PCDHA9: variants seen among roughly 807,000 people sequenced by gnomAD.
PCDHA9 encodes protocadherin alpha 9.
In PCDHA9, 62 loss-of-function variants were observed where a neutral mutation model predicts 62.0. The ratio of observed to expected loss-of-function variants is 1.00; its 90% CI spans 0.81 to 1.23. The LOEUF is 1.23. Ranked by LOEUF, PCDHA9 falls within the 50% of genes most tolerant of loss-of-function variation. The probability of loss-of-function intolerance (pLI) is 0.00; values close to 1 mark genes in which losing one functional copy is unlikely to be tolerated. For synonymous variants in PCDHA9, 557 were observed against 567.6 expected (o/e 0.98, Z 0.27); for missense variants, 1,205 against 1,249.8 (o/e 0.96, Z 0.54).
intron 3 of PCDHA9, among the ~76,000 whole-genome samples, chr5:140,992,037 G>A (rs2153898781): frequency 6.6e-6 from 1 of 152,006 alleles, no homozygotes; most frequent in East Asian, 1.9e-4. Context: ...GTGTGTGTGT[G>A]TGTGTGTGTG....
At chr5:140,851,776 A>G (rs2042157879) in intron 1 of PCDHA9, 1 of 964,146 alleles carries the variant, frequency 1.0e-6, no homozygotes, top group South Asian at 4.8e-5. Flanking sequence ...TTATGAATTT[A>G]GATGAGAATT....
chr5:140,907,009 C>A (rs2193983), intron 1 of PCDHA9, among the ~76,000 whole-genome samples: 26,809 of 152,052 alleles, frequency 0.18, 2,652 homozygotes, highest in African/African-American at 0.27. Flanking sequence ...GGAACTAAGA[C>A]CTCTAGGCCA....
chr5:140,875,410 A>G (rs1459624657), intron 1 of PCDHA9: 3 of 1,502,000 alleles, frequency 2.0e-6, no homozygotes, highest in African/African-American at 1.4e-5. Flanking sequence ...TGCTCATAAA[A>G]TACCTCAGGC....
chr5:140,928,478 A>G (rs1554205922), intron 1 of PCDHA9: 1 of 1,614,132 alleles, frequency 6.2e-7, no homozygotes, highest in East Asian at 2.2e-5. Context: ...GAAGGCCGGG[A>G]TGGTGGCATT....
intron 1 of PCDHA9, chr5:140,969,003 G>A: frequency 6.2e-7 from 1 of 1,614,226 alleles, no homozygotes; most frequent in Admixed American, 1.7e-5. Context: ...GGAGGCTTCT[G>A]TGGAGTAAGG....
chr5:140,947,668 T>A (rs2094160892), intron 1 of PCDHA9, among the ~76,000 whole-genome samples: 1 of 151,602 alleles, frequency 6.6e-6, no homozygotes, highest in Admixed American at 6.6e-5. Flanking sequence ...TACTTGGGTC[T>A]TTAAAAAATT....
chr5:140,870,836 A>G (rs375475405), intron 1 of PCDHA9: 3 of 1,613,796 alleles, frequency 1.9e-6, no homozygotes, highest in Non-Finnish European at 2.5e-6. Flanking sequence ...GCAGTTAACA[A>G]GCTAGTACCG....
intron 1 of PCDHA9, chr5:140,875,924 A>C (rs782181544): frequency 6.2e-7 from 1 of 1,614,054 alleles, no homozygotes; most frequent in Non-Finnish European, 8.5e-7. Context: ...CTGGACTCTC[A>C]TTTTCCTCTA....
intron 1 of PCDHA9, chr5:140,927,862 G>A (rs1397918624): frequency 2.5e-6 from 4 of 1,614,082 alleles, no homozygotes; most frequent in African/African-American, 2.7e-5. Context: ...AGCTAGCACC[G>A]CTAAACTGCT....
At chr5:140,969,821 T>C (rs1358078633) in intron 1 of PCDHA9, among the ~76,000 whole-genome samples, 3 of 152,250 alleles carry the variant, frequency 2.0e-5, no homozygotes, top group Non-Finnish European at 4.4e-5. Flanking sequence ...TACTCTGGAC[T>C]GTCTACAGTG....
chr5:141,006,180 A>C (rs1554260594), intron 3 of PCDHA9, among the ~76,000 whole-genome samples: 5 of 150,546 alleles, frequency 3.3e-5, no homozygotes, highest in Non-Finnish European at 7.4e-5. Context: ...TTTTTAAAAG[A>C]GTTTGCTATA....
At chr5:140,871,301 C>G in intron 1 of PCDHA9, 4 of 1,613,916 alleles carry the variant, frequency 2.5e-6, no homozygotes, top group Middle Eastern at 1.7e-4. Flanking sequence ...GCGTGCGCGC[C>G]GGGGAAGCCC....
intron 1 of PCDHA9, chr5:140,865,437 T>G (rs951308725): frequency 2.0e-5 from 3 of 152,200 alleles, no homozygotes; most frequent in Admixed American, 6.5e-5. Flanking sequence ...GAAAAATAAC[T>G]TCTGAGAAGA....
intron 1 of PCDHA9, among the ~76,000 whole-genome samples, chr5:140,874,637 AC>A (rs1177845104): frequency 4.6e-5 from 7 of 152,256 alleles, no homozygotes; most frequent in African/African-American, 1.7e-4. Flanking sequence ...AAAGTGCTTT[AC>A]TTTTGCTAGA....
intron 1 of PCDHA9, among the ~76,000 whole-genome samples, chr5:140,971,989 T>C (rs1183313679): frequency 1.3e-5 from 2 of 152,170 alleles, no homozygotes; most frequent in African/African-American, 4.8e-5. Context: ...AGACAGAAGT[T>C]CCAATGTTTA....
chr5:140,857,650 G>T, intron 1 of PCDHA9: 1 of 1,596,744 alleles, frequency 6.3e-7, no homozygotes, highest in East Asian at 2.2e-5. Flanking sequence ...AGTTCCAGGT[G>T]AGCGCGCGCG....
chr5:140,930,591 CAT>C (rs1554207939), intron 1 of PCDHA9: 1 of 152,406 alleles, frequency 6.6e-6, no homozygotes, highest in African/African-American at 2.4e-5. Flanking sequence ...TTTGACTTCT[CAT>C]AGAAATCCTA....
In PCDHA9 at chr5:140,849,289, A is replaced by G; in HGVS notation, c.794A>G (p.Asn265Ser). The G allele has an allele frequency of 8.2e-7, 1 of 1,220,472 alleles. No homozygotes were observed. Among genetic ancestry groups the G allele is most frequent in the Non-Finnish European group, 1.1e-6 (1 of 887,780 alleles). 75.6% of individuals were successfully genotyped at this position (1,220,472 alleles called of 1,614,324 possible). ...ATCGGAACGCTGGTGATTCACCCCA[A>G]TGCCTCAGATTTAGACGAAGGCTTG... ...VSIGTLVIHP[N>S]ASDLDEGLNG... Residue 265 changes from asparagine (N) to serine (S), a missense_variant, in exon 1 of 4, where the codon AAT becomes AGT. Physicochemically the swap from Asn to Ser is conservative, Grantham distance 46. Coordinates refer to ENST00000532602, the MANE Select transcript of PCDHA9 (RefSeq NM_031857.2).
Position 140,989,317 on chromosome 5 carries a change from C to T in PCDHA9, c.2542+6754C>T, listed in dbSNP as rs184467267. Among the ~76,000 whole-genome samples, 489 of 152,240 alleles carry T rather than the reference C, an allele frequency of 3.2e-3. 2 individuals carry two copies. Among genetic ancestry groups the T allele is most frequent in the African/African-American group, 0.011 (440 of 41,530 alleles). Reference sequence around the variant, plus strand: ...AAAGGGCCAAGGAAGTAGGGTCTCACCAACTTTGCCACCTGACTCAGCTCA... The same window carrying T: ...AAAGGGCCAAGGAAGTAGGGTCTCATCAACTTTGCCACCTGACTCAGCTCA... On this transcript the variant is annotated intron_variant, in intron 3 of 3. Transcript: ENST00000532602.
Sources: allele counts gnomAD v4.1 joint callset (sites outside exome capture counted in the v4.1 genomes callset), GRCh38; gene constraint gnomAD v4.1.1; transcripts MANE v1.5; gene names NCBI Gene and HGNC (gene_info 2026-07-23, HGNC 2026-07-21).